CELF4: variants seen among roughly 807,000 people sequenced by gnomAD.
CELF4 encodes the protein CUG-BP- and ETR-3-like factor 4.
CELF4 carries 18 observed loss-of-function variants against 59.9 expected under a neutral mutation model. The observed-to-expected ratio is 0.30, with a 90% CI of 0.21 to 0.45. The LOEUF (loss-of-function observed/expected upper bound fraction) is 0.45, where lower values mean the gene tolerates loss of function less well. Among genes scored for constraint, CELF4 ranks in the 20% least tolerant of loss-of-function variants. CELF4 has a pLI of 1.00. For missense variants in CELF4, 456 were observed against 689.0 expected, an observed-to-expected ratio of 0.66 and a Z score of 3.79; for synonymous variants, 261 against 267.1, an observed-to-expected ratio of 0.98 and a Z score of 0.22.
chr18:37,394,658 AC>A (rs1022088391), intron 2 of CELF4, among the ~76,000 whole-genome samples: 2 of 152,090 alleles, frequency 1.3e-5, no homozygotes, highest in African/African-American at 2.4e-5. Flanking sequence ...CAGCCCCAGC[AC>A]CCCTCCACTC....
chr18:37,284,286 A>G lies in CELF4; in HGVS notation c.449-9043T>C, dbSNP rs1298870273. ...ACCTCAACATACAGACATAACACAC[A>G]CAGACACACACCCCAATGCACATAC... On this transcript the variant is annotated intron_variant, in intron 3 of 12. Transcript: ENST00000420428. 2.6e-5 allele frequency among the ~76,000 whole-genome samples: 4 copies of G among 151,488 alleles called. No individual in the cohort carries two copies. The South Asian group carries it at 6.3e-4, about 24-fold the overall frequency.
intron 1 of CELF4, among the ~76,000 whole-genome samples, chr18:37,498,374 C>G (rs2099927580): frequency 1.6e-5 from 2 of 122,710 alleles, no homozygotes; most frequent in East Asian, 5.8e-4. Flanking sequence ...CCTTTCCTTT[C>G]CCTCCTTTCC....
chr18:37,465,009 G>A (rs1181723168), intron 2 of CELF4, among the ~76,000 whole-genome samples: 2 of 152,146 alleles, frequency 1.3e-5, no homozygotes, highest in South Asian at 2.1e-4. Flanking sequence ...TCCTGCTTCC[G>A]GGAAAGTCTC....
chr18:37,252,063 A>C (rs2065845081), intron 12 of CELF4, among the ~76,000 whole-genome samples: 1 of 152,078 alleles, frequency 6.6e-6, no homozygotes, highest in Admixed American at 6.6e-5. Context: ...GAGAGTTGCT[A>C]CTTCTGGGTG....
chr18:37,530,521 T>A (rs1053279897), intron 1 of CELF4, among the ~76,000 whole-genome samples: 1 of 152,126 alleles, frequency 6.6e-6, no homozygotes, highest in Non-Finnish European at 1.5e-5. Flanking sequence ...GTTATAATCA[T>A]CATTGTATTT....
chr18:37,562,602 ACTCATTC>A (rs2099986907), intron 1 of CELF4, among the ~76,000 whole-genome samples: 1 of 152,158 alleles, frequency 6.6e-6, no homozygotes. Context: ...CAAATGCAAC[ACTCATTC>A]CTCAAGCCTC....
chr18:37,479,043 T>C (rs760203509), intron 2 of CELF4, among the ~76,000 whole-genome samples: 1 of 151,954 alleles, frequency 6.6e-6, no homozygotes, highest in Non-Finnish European at 1.5e-5. Flanking sequence ...CAGGAGAGAG[T>C]TGAGCTGGAG....
intron 2 of CELF4, among the ~76,000 whole-genome samples, chr18:37,364,492 G>A (rs2098750669): frequency 6.6e-6 from 1 of 152,224 alleles, no homozygotes; most frequent in South Asian, 2.1e-4. Flanking sequence ...TGAGGATCCA[G>A]CACTGGGGCT....
At chr18:37,282,049 A>G (rs2094207129) in intron 3 of CELF4, among the ~76,000 whole-genome samples, 1 of 152,230 alleles carries the variant, frequency 6.6e-6, no homozygotes, top group Non-Finnish European at 1.5e-5. Flanking sequence ...GTGCAGGCTC[A>G]GGCAAGGCAT....
At chr18:37,440,684 A>T (rs2099709893) in intron 2 of CELF4, among the ~76,000 whole-genome samples, 1 of 152,162 alleles carries the variant, frequency 6.6e-6, no homozygotes, top group Non-Finnish European at 1.5e-5. Context: ...GATTATTGCA[A>T]TGAGTGGCCT....
rs112803076 is a variant in CELF4 at position 37,423,990 on chromosome 18, C to T, written c.369+61535G>A. On this transcript the variant is annotated intron_variant, in intron 2 of 12. Coordinates refer to ENST00000420428, the MANE Select transcript of CELF4 (RefSeq NM_020180.4). ...AGTCCTGGGGAGAGGTCTCCGCCAC[C>T]GAGAAGCCTTCTAGGACTCATGCTG... is the stretch of plus-strand genomic sequence containing the variant. 5.2e-3 allele frequency among the ~76,000 whole-genome samples: 796 copies of T among 152,168 alleles called. 9 individuals are homozygous for T. Among genetic ancestry groups the T allele is most frequent in the African/African-American group, 0.018 (765 of 41,500 alleles).
chr18:37,529,363 G>C (rs777210751), intron 1 of CELF4, among the ~76,000 whole-genome samples: 7 of 152,206 alleles, frequency 4.6e-5, no homozygotes, highest in Non-Finnish European at 7.3e-5. Context: ...CTCTGACCCA[G>C]ACTGCATGGG....
intron 2 of CELF4, among the ~76,000 whole-genome samples, chr18:37,405,886 C>T (rs1025847314): frequency 2.0e-5 from 3 of 152,126 alleles, no homozygotes; most frequent in Non-Finnish European, 4.4e-5. Context: ...GCTGGGCTGG[C>T]CCCCCTCCAG....
chr18:37,247,803 TAAAAC>T (rs2063005846), intron 12 of CELF4, among the ~76,000 whole-genome samples: 1 of 151,728 alleles, frequency 6.6e-6, no homozygotes, highest in Non-Finnish European at 1.5e-5. Context: ...AGAAAAAAAA[TAAAAC>T]AGCCCCTCAA....
intron 1 of CELF4, among the ~76,000 whole-genome samples, chr18:37,538,622 G>T (rs1172177801): frequency 6.6e-6 from 1 of 152,166 alleles, no homozygotes; most frequent in Non-Finnish European, 1.5e-5. Flanking sequence ...TCCCTCAGGT[G>T]CCTCCTCTGC....
At chr18:37,287,315 G>A (rs2094891383) in intron 3 of CELF4, among the ~76,000 whole-genome samples, 1 of 152,242 alleles carries the variant, frequency 6.6e-6, no homozygotes, top group Non-Finnish European at 1.5e-5. Context: ...CCTGCCTGCT[G>A]GGATAGAGCC....
intron 3 of CELF4, among the ~76,000 whole-genome samples, chr18:37,286,722 T>C (rs1223997014): frequency 6.6e-6 from 1 of 152,074 alleles, no homozygotes; most frequent in Non-Finnish European, 1.5e-5. Flanking sequence ...CACACTGGAA[T>C]GAAGAGAGAC....
At chr18:37,377,029 G>T (rs1483423531) in intron 2 of CELF4, among the ~76,000 whole-genome samples, 11 of 152,062 alleles carry the variant, frequency 7.2e-5, no homozygotes, top group African/African-American at 2.2e-4. Context: ...GTGGAGGAGG[G>T]AGGACAGAGG....
At chr18:37,252,628 G>T (rs1228124629) in intron 12 of CELF4, among the ~76,000 whole-genome samples, 1 of 150,502 alleles carries the variant, frequency 6.6e-6, no homozygotes, top group African/African-American at 2.5e-5. Flanking sequence ...AGAGGCGGGG[G>T]CATGGCTGCT....
Sources: allele counts gnomAD v4.1 joint callset (sites outside exome capture counted in the v4.1 genomes callset), GRCh38; gene constraint gnomAD v4.1.1; transcripts MANE v1.5; gene names NCBI Gene and HGNC (gene_info 2026-07-23, HGNC 2026-07-21).